TIMM22: variants seen among roughly 807,000 people sequenced by gnomAD.
TIMM22 encodes mitochondrial import inner membrane translocase subunit Tim22.
Under a neutral mutation model 18.3 loss-of-function variants are expected in TIMM22, and 12 were observed. The ratio of observed to expected loss-of-function variants is 0.65; its 90% CI spans 0.42 to 1.06. TIMM22 has a LOEUF of 1.06. TIMM22 is among the 50% of genes least tolerant of loss of function. TIMM22 has a pLI of 0.00. For missense variants in TIMM22, 278 were observed against 252.8 expected (o/e 1.10, Z -0.68); for synonymous variants, 107 against 98.5 (o/e 1.09, Z -0.51).
chr17:998,982 G>GTCTCT lies in TIMM22; in HGVS notation c.435+8_435+12dup. On this transcript the variant is annotated splice_region_variant and intron_variant, in intron 2 of 3. Coordinates refer to ENST00000327158, the MANE Select transcript of TIMM22 (RefSeq NM_013337.4). Reference sequence around the variant, plus strand: ...TGAGTGTTTGATAGAATCTGTAAGTGTCTCTGCCTTCTAAGAAATCCTTGC... The same window carrying GTCTCT: ...TGAGTGTTTGATAGAATCTGTAAGTGTCTCTTCTCTGCCTTCTAAGAAATCCTTGC... 6.3e-7 allele frequency: 1 copy of GTCTCT among 1,598,916 alleles called. No homozygotes were observed. The highest frequency in any genetic ancestry group is 8.6e-7 in the Non-Finnish European group (1 of 1,169,444).
intron 1 of TIMM22, among the ~76,000 whole-genome samples, chr17:997,960 G>A (rs73279380): frequency 0.019 from 2,932 of 152,288 alleles, 115 homozygotes; most frequent in African/African-American, 0.067. Context: ...TCTTCATGGG[G>A]CCTGTATTAT....
chr17:997,430 TG>T (rs1454644675), intron 1 of TIMM22, 50 bp downstream of exon 1: 1 of 1,556,646 alleles, frequency 6.4e-7, no homozygotes, highest in Non-Finnish European at 8.8e-7. Flanking sequence ...TGGACGGCAG[TG>T]GGGATCTCTG....
chr17:1,001,436 G>T lies in TIMM22; in HGVS notation c.*348G>T. ...GGTTGTTTGGTGTTGTGGGCACAGA[G>T]GTGACAGTGTCTCTGCAGGCACTCA... On this transcript the variant is annotated 3_prime_UTR_variant, in exon 4 of 4. Transcript: ENST00000327158. 1 of 254,158 alleles carries T rather than the reference G, an allele frequency of 3.9e-6. No homozygotes were observed. Among genetic ancestry groups the T allele is most frequent in the Non-Finnish European group, 7.8e-6 (1 of 127,504 alleles). The allele number at this position is 254,158 out of a possible 1,614,324, so 15.7% of individuals were successfully genotyped here.
At position 1,001,270 on chromosome 17, in the gene TIMM22, C is replaced by CT; in HGVS notation, c.*185dup. 1 of 596,580 alleles carries CT rather than the reference C, an allele frequency of 1.7e-6. No individual in the cohort carries two copies. Among genetic ancestry groups the CT allele is most frequent in the Non-Finnish European group, 2.9e-6 (1 of 341,436 alleles). The allele number at this position is 596,580 out of a possible 1,614,324, so 37.0% of individuals were successfully genotyped here. A position where few individuals can be genotyped will look rare whatever the true frequency, so the allele number is the denominator to read the frequency against. Reference sequence around the variant, plus strand: ...GCCTCCAGCCTTTGGGGTAGCCACACTTTGCTGCTCCTGGACTCCAGCCAG... The same window carrying CT: ...GCCTCCAGCCTTTGGGGTAGCCACACTTTTGCTGCTCCTGGACTCCAGCCAG... On this transcript the variant is annotated 3_prime_UTR_variant, in exon 4 of 4. Transcript: ENST00000327158.
Position 998,922 on chromosome 17 carries a change from A to T in TIMM22, c.382A>T (p.Asn128Tyr). 6.2e-7 allele frequency: 1 copy of T among 1,614,056 alleles called. No individual in the cohort carries two copies. The highest frequency in any genetic ancestry group is 8.5e-7 in the Non-Finnish European group (1 of 1,179,988). Residue 128 changes from asparagine to tyrosine, a missense_variant, in exon 2 of 4, where the codon AAT becomes TAT. Transcript: ENST00000327158. Reference protein sequence around the residue: ...MGQRGMSYAKNFAIVGAMFSC... With the variant: ...MGQRGMSYAKYFAIVGAMFSC... ...GCAGAGAGGAATGTCCTATGCCAAAAATTTCGCCATTGTGGGAGCCATGTT... is the reference window on the plus strand; with the variant it reads ...GCAGAGAGGAATGTCCTATGCCAAATATTTCGCCATTGTGGGAGCCATGTT...
chr17:1,002,079 T>C lies in TIMM22; in HGVS notation c.*991T>C, dbSNP rs1296149872. 6.6e-6 allele frequency: 1 copy of C among 151,874 alleles called. No individual in the cohort carries two copies. Among genetic ancestry groups the C allele is most frequent in the Non-Finnish European group, 1.5e-5 (1 of 68,012 alleles). 9.4% of individuals were successfully genotyped at this position (151,874 alleles called of 1,614,324 possible). On this transcript the variant is annotated 3_prime_UTR_variant, in exon 4 of 4. Coordinates refer to ENST00000327158, the MANE Select transcript of TIMM22 (RefSeq NM_013337.4). ...CTCGTTCTCCAGGGTCAAGGAAGTG[T>C]TTTAACATGTCGTGTTTTCGACTTG...
chr17:1,000,129 C>T (rs569119165), intron 3 of TIMM22, among the ~76,000 whole-genome samples: 1 of 152,070 alleles, frequency 6.6e-6, no homozygotes, highest in South Asian at 2.1e-4. Flanking sequence ...CGTGATCTGC[C>T]TGCCTCAGCC....
chr17:999,631 C>T (rs1240720329), intron 3 of TIMM22, 47 bp downstream of exon 3: 7 of 1,569,938 alleles, frequency 4.5e-6, no homozygotes, highest in African/African-American at 1.4e-5. Flanking sequence ...CCTTGGACAA[C>T]GTGCTGAGGT....
At chr17:999,264 ATGC>A (rs2069715925) in intron 2 of TIMM22, among the ~76,000 whole-genome samples, 1 of 149,592 alleles carries the variant, frequency 6.7e-6, no homozygotes, top group Admixed American at 6.7e-5. Flanking sequence ...TACATTCCAA[ATGC>A]TGGGCTTGGT....
intron 3 of TIMM22, among the ~76,000 whole-genome samples, chr17:1,000,297 C>T (rs2069731057): frequency 6.9e-6 from 1 of 144,476 alleles, no homozygotes; most frequent in Non-Finnish European, 1.5e-5. Flanking sequence ...ATGCTAAGTA[C>T]AGATATTCTA....
At position 998,843 on chromosome 17, in the gene TIMM22, C is replaced by T. The variant is rs147942589; in HGVS notation, c.303C>T (p.Asp101=). The T allele has an allele frequency of 1.3e-4, 202 of 1,614,104 alleles. 1 individual carries two copies. In the African/African-American group the frequency reaches 2.4e-3, roughly 19 times the overall value. The change falls in exon 2 of 4, where the codon GAC becomes GAT. Residue 101 remains aspartate, a synonymous_variant. Transcript: ENST00000327158. ...TAGIDTNVGF[D]PKDPYRTPTA... ...GCATCGATACCAACGTGGGCTTTGA[C>T]CCTAAGGATCCTTACCGTACACCGA...
intron 3 of TIMM22, 99 bp from the exon 4 acceptor site, chr17:1,000,913 A>G (rs1265657124): frequency 8.5e-7 from 1 of 1,175,214 alleles, no homozygotes. Flanking sequence ...ACAGTGCTTA[A>G]GCTCATTTCA....
At chr17:998,201 A>G (rs908762437) in intron 1 of TIMM22, among the ~76,000 whole-genome samples, 6 of 152,194 alleles carry the variant, frequency 3.9e-5, no homozygotes, top group Non-Finnish European at 8.8e-5. Flanking sequence ...CATATTGACC[A>G]TGAGGTCATG....
At position 1,001,400 on chromosome 17, in the gene TIMM22, C is replaced by T. The variant is rs1467315209; in HGVS notation, c.*312C>T. The T allele has an allele frequency of 3.1e-6, 1 of 323,966 alleles. No individual in the cohort carries two copies. The highest frequency in any genetic ancestry group is 2.2e-5 in the African/African-American group (1 of 46,444). The allele number at this position is 323,966 out of a possible 1,614,324, so 20.1% of individuals were successfully genotyped here. ...CACAAAGCTTCAGGCCTGACCACAG[C>T]TGGCCCTCTAGGTTGTTTGGTGTTG... is the stretch of plus-strand genomic sequence containing the variant. On this transcript the variant is annotated 3_prime_UTR_variant, in exon 4 of 4. Coordinates refer to ENST00000327158, the MANE Select transcript of TIMM22 (RefSeq NM_013337.4).
chr17:997,154 C>A lies in TIMM22; in HGVS notation c.12C>A (p.Ala4=). Residue 4 remains alanine, a synonymous_variant, in exon 1 of 4, where the codon GCC becomes GCA. Coordinates refer to ENST00000327158, the MANE Select transcript of TIMM22 (RefSeq NM_013337.4). ...GGGCAGCGACTGTCATGGCGGCGGC[C>A]GCCCCCAATGCCGGAGGCTCGGCCC... MAA[A]APNAGGSAPE... 6.2e-7 allele frequency: 1 copy of A among 1,608,552 alleles called. No homozygotes were observed. Among genetic ancestry groups the A allele is most frequent in the Non-Finnish European group, 8.5e-7 (1 of 1,178,748 alleles).
At position 997,402 on chromosome 17, in the gene TIMM22, C is replaced by T. The variant is rs373342210; in HGVS notation, c.238+22C>T. The stretch of plus-strand genomic sequence containing the variant: ...GGAGGTGAGGCCGGGCGATGGGACC[C>T]TTGGGAGGCTGAGGGCCTGGACGGC... On this transcript the variant is annotated intron_variant, in intron 1 of 3. Transcript: ENST00000327158. 178 of 1,606,354 alleles carry T rather than the reference C, an allele frequency of 1.1e-4. No individual in the cohort carries two copies. In the African/African-American group the frequency reaches 2.3e-3, roughly 20 times the overall value.
chr17:1,002,862 C>T lies in TIMM22; in HGVS notation c.*1774C>T, dbSNP rs2069780832. 6.6e-6 allele frequency: 1 copy of T among 152,170 alleles called. No homozygotes were observed. The highest frequency in any genetic ancestry group is 1.5e-5 in the Non-Finnish European group (1 of 68,038). The allele number at this position is 152,170 out of a possible 1,614,324, so 9.4% of individuals were successfully genotyped here. On this transcript the variant is annotated 3_prime_UTR_variant, in exon 4 of 4. Transcript: ENST00000327158. ...GATGAGCGCCAGGGCTGTCAGTACC[C>T]ATCGGTTCAGTAAGCGAGGCATTGT...
chr17:997,255 A>C lies in TIMM22; in HGVS notation c.113A>C (p.Gln38Pro), dbSNP rs745891728. 1 of 1,613,600 alleles carries C rather than the reference A, an allele frequency of 6.2e-7. No homozygotes were observed. Among genetic ancestry groups the C allele is most frequent in the East Asian group, 2.2e-5 (1 of 44,878 alleles). Residue 38 changes from glutamine (Q) to proline (P), a missense_variant, in exon 1 of 4, where the codon CAG becomes CCG. Physicochemically the swap from Gln to Pro is moderately conservative, Grantham distance 76. Transcript: ENST00000327158. ...CAGTACCTGGTGGGTGACAAGCGTC[A>C]GCCCCGGCTCCTGGAGCCTGGGAGC... ...LLQYLVGDKR[Q>P]PRLLEPGSLG... is the part of the protein sequence containing the mutation.
chr17:1,001,800 C>CATT lies in TIMM22; in HGVS notation c.*714_*716dup, dbSNP rs370619509. 2.2e-4 allele frequency: 34 copies of CATT among 152,290 alleles called. No homozygotes were observed. The highest frequency in any genetic ancestry group is 8.2e-4 in the African/African-American group (34 of 41,560). 9.4% of individuals were successfully genotyped at this position (152,290 alleles called of 1,614,324 possible). The stretch of plus-strand genomic sequence containing the variant: ...AGGACTGTGTCATCCTCACCAAGCT[C>CATT]ATTACATCTGCCAGGGCCTGCCTCA... On this transcript the variant is annotated 3_prime_UTR_variant, in exon 4 of 4. Transcript: ENST00000327158.
Sources: allele counts gnomAD v4.1 joint callset (sites outside exome capture counted in the v4.1 genomes callset), GRCh38; gene constraint gnomAD v4.1.1; transcripts MANE v1.5; gene names NCBI Gene and HGNC (gene_info 2026-07-23, HGNC 2026-07-21).